Variants in CIMAP1D observed in about 807,000 individuals in gnomAD.
CIMAP1D encodes protein CIMAP1D.
chr19:465,669 A>ATGG, the CIMAP1D span, among the ~76,000 whole-genome samples: 1 of 105,648 alleles, frequency 9.5e-6, no homozygotes, highest in Admixed American at 1.0e-4. Flanking sequence ...GGGTGGGTAG[A>ATGG]TGGATGGGCA....
chr19:480,794 G>A, the CIMAP1D span, among the ~76,000 whole-genome samples: 1 of 137,074 alleles, frequency 7.3e-6, no homozygotes, highest in Non-Finnish European at 1.5e-5. Flanking sequence ...GAATGATGAT[G>A]CAGAAGGAAT....
chr19:480,387 C>T, the CIMAP1D span, among the ~76,000 whole-genome samples: 1 of 152,008 alleles, frequency 6.6e-6, no homozygotes, highest in Non-Finnish European at 1.5e-5. Context: ...AAAACGTGGG[C>T]GGTGCCGGGA....
chr19:475,986 ATTTTTTTTT>A, the CIMAP1D span, among the ~76,000 whole-genome samples: 4 of 39,266 alleles, frequency 1.0e-4, no homozygotes, highest in South Asian at 1.8e-3. Flanking sequence ...CGCCTGGCTA[ATTTTTTTTT>A]TTTTTTTTTT....
At chr19:471,582 A>C in the CIMAP1D span, among the ~76,000 whole-genome samples, 1 of 152,006 alleles carries the variant, frequency 6.6e-6, no homozygotes, top group South Asian at 2.1e-4. Flanking sequence ...AGCTGGGACC[A>C]CAGGCACACA....
chr19:480,235 G>A, the CIMAP1D span, among the ~76,000 whole-genome samples: 2 of 152,248 alleles, frequency 1.3e-5, no homozygotes, highest in Non-Finnish European at 2.9e-5. Context: ...GGAGCAGCGT[G>A]AGCAAGGAGA....
the CIMAP1D span, chr19:464,293 G>C: frequency 1.9e-6 from 3 of 1,541,852 alleles, no homozygotes; most frequent in African/African-American, 4.1e-5. Context: ...GTGAAAGCCG[G>C]CGGTGTCCGA....
At chr19:480,587 AATGTGGGAAGG>A in the CIMAP1D span, among the ~76,000 whole-genome samples, 53 of 137,110 alleles carry the variant, frequency 3.9e-4, no homozygotes, top group African/African-American at 9.2e-4. Flanking sequence ...ATGGAGAAGG[AATGTGGGAAGG>A]TGATGGGGAA....
At chr19:480,969 T>C in the CIMAP1D span, among the ~76,000 whole-genome samples, 2 of 53,982 alleles carry the variant, frequency 3.7e-5, no homozygotes, top group Admixed American at 1.8e-4. Flanking sequence ...GGAAGGATGA[T>C]GGGGAAGGAT....
chr19:478,015 C>T, the CIMAP1D span, among the ~76,000 whole-genome samples: 3 of 152,230 alleles, frequency 2.0e-5, no homozygotes, highest in East Asian at 5.8e-4. Context: ...CCCTCGCTGG[C>T]CCCTTCCTCG....
At chr19:465,045 T>C in the CIMAP1D span, among the ~76,000 whole-genome samples, 1 of 144,668 alleles carries the variant, frequency 6.9e-6, no homozygotes, top group South Asian at 2.2e-4. Flanking sequence ...AGTGGATGGG[T>C]GGATAGATGA....
At chr19:481,567 A>T in the CIMAP1D span, among the ~76,000 whole-genome samples, 1 of 137,384 alleles carries the variant, frequency 7.3e-6, no homozygotes, top group African/African-American at 2.7e-5. Context: ...GATGGGAAGG[A>T]TGGTGGGAAG....
chr19:468,482 C>A, the CIMAP1D span, among the ~76,000 whole-genome samples: 7 of 152,298 alleles, frequency 4.6e-5, no homozygotes, highest in South Asian at 8.3e-4. Flanking sequence ...GGACCACGTT[C>A]AAATCCAGCA....
At chr19:481,488 G>GAGAAGGATGATGA in the CIMAP1D span, among the ~76,000 whole-genome samples, 1 of 82,864 alleles carries the variant, frequency 1.2e-5, no homozygotes, top group East Asian at 4.4e-4. Flanking sequence ...AAGGATGATG[G>GAGAAGGATGATGA]GAAGGATGAT....
the CIMAP1D span, among the ~76,000 whole-genome samples, chr19:481,103 C>G: frequency 1.0e-3 from 64 of 62,234 alleles, no homozygotes; most frequent in Admixed American, 1.5e-3. Context: ...TGATGGAGAA[C>G]GATGATGGAG....
chr19:476,480 G>A, the CIMAP1D span, among the ~76,000 whole-genome samples: 136 of 152,236 alleles, frequency 8.9e-4, no homozygotes, highest in Middle Eastern at 6.8e-3. Flanking sequence ...GTAAGCCACC[G>A]TGCCTGGCCT....
At chr19:463,525 A>C in the CIMAP1D span, 1 of 426,920 alleles carries the variant, frequency 2.3e-6, no homozygotes, top group Non-Finnish European at 4.2e-6. Flanking sequence ...GTTCTGGGAC[A>C]CAGGAAGCTC....
the CIMAP1D span, chr19:474,809 C>A: frequency 3.7e-6 from 5 of 1,345,538 alleles, no homozygotes; most frequent in South Asian, 1.7e-5. Context: ...TGAGCCGCAG[C>A]AGCTCTGGCG....
the CIMAP1D span, among the ~76,000 whole-genome samples, chr19:482,121 G>C: frequency 6.6e-6 from 1 of 152,148 alleles, no homozygotes; most frequent in Admixed American, 6.6e-5. Context: ...AGAAACACGT[G>C]AAATTAATTT....
chr19:476,257 G>A, the CIMAP1D span, among the ~76,000 whole-genome samples: 5 of 152,050 alleles, frequency 3.3e-5, no homozygotes, highest in Non-Finnish European at 5.9e-5. Flanking sequence ...GTTTCACCAC[G>A]TTGGCCAGGA....
Sources: gnomAD v4.1 joint callset for allele counts (sites outside exome capture counted in the v4.1 genomes callset) on GRCh38, gnomAD v4.1.1 for gene constraint, MANE v1.5 for transcripts, NCBI Gene and HGNC (gene_info 2026-07-23, HGNC 2026-07-21) for gene names.